SESTD1: variants seen among roughly 807,000 people sequenced by gnomAD.
SESTD1 encodes the protein SEC14 and spectrin domain containing 1.
A neutral mutation model predicts 101.7 loss-of-function variants in SESTD1; 43 were observed. The observed-to-expected ratio is 0.42, with a 90% CI of 0.33 to 0.55. SESTD1 has a LOEUF of 0.55. Among genes scored for constraint, SESTD1 ranks in the 20% least tolerant of loss-of-function variants. The pLI is 0.07. For synonymous variants in SESTD1, 283 were observed against 286.8 expected (o/e 0.99, Z 0.13); for missense variants, 647 against 815.1 (o/e 0.79, Z 2.51).
At chr2:179,253,867 G>T (rs113309583) in intron 1 of SESTD1, among the ~76,000 whole-genome samples, 2 of 152,220 alleles carry the variant, frequency 1.3e-5, no homozygotes, top group African/African-American at 4.8e-5. Flanking sequence ...GAAGGCTGAA[G>T]CAAGCGGATC....
Position 179,230,115 on chromosome 2 carries a change from T to TC in SESTD1, c.-26+34383_-26+34384insG, listed in dbSNP as rs1559153355. On this transcript the variant is annotated intron_variant, in intron 1 of 17. Transcript: ENST00000428443. The stretch of plus-strand genomic sequence containing the variant: ...ATATTCCAAACTGGATTGTATCTCT[T>TC]TTTTTTTTTTTTTTTTTTTTTTTTT... Among the ~76,000 whole-genome samples, 51 of 29,496 alleles carry TC rather than the reference T, an allele frequency of 1.7e-3. 3 individuals carry two copies. The highest frequency in any genetic ancestry group is 5.4e-3 in the South Asian group (4 of 744). 19.4% of individuals were successfully genotyped at this position (29,496 alleles called of 152,430 possible). A position where few individuals can be genotyped will look rare whatever the true frequency, so the allele number is the denominator to read the frequency against.
intron 9 of SESTD1, among the ~76,000 whole-genome samples, chr2:179,140,198 C>G (rs2045246010): frequency 6.6e-6 from 1 of 152,082 alleles, no homozygotes; most frequent in Non-Finnish European, 1.5e-5. Flanking sequence ...CTATCCTTAC[C>G]CCTCCTATAG....
At chr2:179,117,824 A>C (rs905000742) in intron 13 of SESTD1, among the ~76,000 whole-genome samples, 1 of 152,368 alleles carries the variant, frequency 6.6e-6, no homozygotes, top group Admixed American at 6.5e-5. Context: ...ATGATACTCA[A>C]TGACAAACCC....
At chr2:179,144,473 C>T (rs972021968) in intron 8 of SESTD1, among the ~76,000 whole-genome samples, 1 of 152,040 alleles carries the variant, frequency 6.6e-6, no homozygotes, top group Non-Finnish European at 1.5e-5. Context: ...TCAATTACAG[C>T]AAACTCATGT....
chr2:179,256,061 T>C (rs143610223), intron 1 of SESTD1, among the ~76,000 whole-genome samples: 3 of 152,328 alleles, frequency 2.0e-5, no homozygotes, highest in African/African-American at 4.8e-5. Flanking sequence ...TTGCTGCTCA[T>C]TGGCAATGCA....
chr2:179,149,169 C>T (rs114016928), intron 7 of SESTD1, 128 bp downstream of exon 7: 72 of 541,424 alleles, frequency 1.3e-4, no homozygotes, highest in Middle Eastern at 5.9e-4. Flanking sequence ...GAATATTGTA[C>T]GTCAATTTTG....
At chr2:179,152,527 C>T (rs2045551248) in intron 5 of SESTD1, among the ~76,000 whole-genome samples, 1 of 152,076 alleles carries the variant, frequency 6.6e-6, no homozygotes. Flanking sequence ...TTAAGGAGGA[C>T]TTGTGGAAGA....
At chr2:179,166,512 C>T (rs550898730) in intron 5 of SESTD1, among the ~76,000 whole-genome samples, 3 of 152,224 alleles carry the variant, frequency 2.0e-5, no homozygotes, top group East Asian at 3.9e-4. Flanking sequence ...ATTATAAACC[C>T]GAACTATCAT....
rs566365481 is a variant in SESTD1 at position 179,225,809 on chromosome 2, G to A, written c.-25-33943C>T. Among the ~76,000 whole-genome samples, 20 of 152,270 alleles carry A rather than the reference G, an allele frequency of 1.3e-4. 1 individual carries two copies. Among genetic ancestry groups the A allele is most frequent in the African/African-American group, 4.8e-4 (20 of 41,560 alleles). On this transcript the variant is annotated intron_variant, in intron 1 of 17. Coordinates refer to ENST00000428443, the MANE Select transcript of SESTD1 (RefSeq NM_178123.5). The stretch of plus-strand genomic sequence containing the variant: ...TTATAAGGGTGCTAGTCCCATTCAC[G>A]AGAGCATAGCCCTTCTGACTCAATC...
intron 1 of SESTD1, among the ~76,000 whole-genome samples, chr2:179,219,392 A>C (rs2046771236): frequency 6.6e-6 from 1 of 152,240 alleles, no homozygotes; most frequent in Non-Finnish European, 1.5e-5. Flanking sequence ...GTGAAAACCC[A>C]TTAGGGTAGC....
chr2:179,161,456 A>T (rs1559121581), intron 5 of SESTD1, among the ~76,000 whole-genome samples: 2 of 152,084 alleles, frequency 1.3e-5, no homozygotes, highest in African/African-American at 2.4e-5. Context: ...AGGTCAAGAG[A>T]TCCAGACCAT....
intron 1 of SESTD1, among the ~76,000 whole-genome samples, chr2:179,222,366 T>C (rs2046827702): frequency 1.3e-5 from 2 of 152,182 alleles, no homozygotes; most frequent in African/African-American, 4.8e-5. Context: ...GACTGGGACT[T>C]AAGTGAGCAA....
At chr2:179,226,585 C>T (rs564565654) in intron 1 of SESTD1, among the ~76,000 whole-genome samples, 1 of 152,228 alleles carries the variant, frequency 6.6e-6, no homozygotes, top group African/African-American at 2.4e-5. Flanking sequence ...AGTGGTTGGT[C>T]AGAAGACCAG....
intron 1 of SESTD1, among the ~76,000 whole-genome samples, chr2:179,225,625 G>T (rs1467777687): frequency 2.6e-5 from 4 of 152,126 alleles, no homozygotes; most frequent in African/African-American, 7.2e-5. Context: ...GGCACCACCA[G>T]GTTCAGTGCC....
intron 2 of SESTD1, among the ~76,000 whole-genome samples, chr2:179,190,053 TAA>T (rs2105495136): frequency 6.6e-6 from 1 of 151,992 alleles, no homozygotes; most frequent in East Asian, 1.9e-4. Flanking sequence ...AGAAAAAAAC[TAA>T]AGTTCATATG....
intron 7 of SESTD1, among the ~76,000 whole-genome samples, chr2:179,148,418 A>G (rs988088391): frequency 5.9e-5 from 9 of 152,254 alleles, no homozygotes; most frequent in African/African-American, 1.9e-4. Context: ...GAAAGCTGAC[A>G]AGGTTGTAAA....
At chr2:179,194,767 G>A (rs1238592077) in intron 1 of SESTD1, among the ~76,000 whole-genome samples, 1 of 152,142 alleles carries the variant, frequency 6.6e-6, no homozygotes. Flanking sequence ...AAATAAGACA[G>A]GGGTCAAATT....
In SESTD1 at chr2:179,142,146, CAT is replaced by C. The variant is rs1425485039; in HGVS notation, c.849+1444_849+1445del. Among the ~76,000 whole-genome samples, 10 of 152,314 alleles carry C rather than the reference CAT, an allele frequency of 6.6e-5. No individual in the cohort carries two copies. The South Asian group carries it at 2.1e-3, about 32-fold the overall frequency. ...AAAAGTTTATTGGAGAATGGCCACA[CAT>C]ATTGGTTTATACAATGTCTATATCT... On this transcript the variant is annotated intron_variant, in intron 9 of 17. Coordinates refer to ENST00000428443, the MANE Select transcript of SESTD1 (RefSeq NM_178123.5).
intron 1 of SESTD1, among the ~76,000 whole-genome samples, chr2:179,217,643 G>T (rs938329291): frequency 2.0e-5 from 3 of 152,092 alleles, no homozygotes; most frequent in Non-Finnish European, 2.9e-5. Context: ...TATACCCAAA[G>T]GATTATAAAT....
Sources: gnomAD v4.1 joint callset for allele counts (sites outside exome capture counted in the v4.1 genomes callset) on GRCh38, gnomAD v4.1.1 for gene constraint, MANE v1.5 for transcripts, NCBI Gene and HGNC (gene_info 2026-07-23, HGNC 2026-07-21) for gene names.